Variants in LEP observed in about 807,000 individuals in gnomAD.
The protein encoded by LEP is leptin.
In LEP, 6 loss-of-function variants were observed where a neutral mutation model predicts 9.8. That is an observed-to-expected ratio of 0.61 (90% CI 0.34 to 1.21). The LOEUF (loss-of-function observed/expected upper bound fraction) is 1.21. Ranked by LOEUF, LEP falls within the 50% of genes most tolerant of loss-of-function variation. The pLI, the probability that LEP is intolerant of heterozygous loss-of-function variation, is 0.04. For missense variants in LEP, 134 were observed against 198.1 expected (o/e 0.68, Z 1.94); for synonymous variants, 112 against 81.7 (o/e 1.37, Z -2.00).
At chr7:128,245,467 G>A (rs1795200409) in intron 1 of LEP, among the ~76,000 whole-genome samples, 1 of 152,196 alleles carries the variant, frequency 6.6e-6, no homozygotes, top group Non-Finnish European at 1.5e-5. Context: ...AAACTTCGCT[G>A]CCTTTATTTC....
intron 2 of LEP, 83 bp downstream of exon 2, chr7:128,252,245 G>A (rs1795283867): frequency 6.7e-7 from 1 of 1,499,962 alleles, no homozygotes. Context: ...GATAGTCCAA[G>A]AAACATTTAT....
At chr7:128,251,763 G>GAT (rs1310324830) in intron 1 of LEP, among the ~76,000 whole-genome samples, 1 of 152,174 alleles carries the variant, frequency 6.6e-6, no homozygotes, top group Non-Finnish European at 1.5e-5. Context: ...TGGTCTACAG[G>GAT]ATACCTCATG....
chr7:128,251,927 A>G, intron 1 of LEP, 64 bp from the exon 2 acceptor site: 1 of 1,300,918 alleles, frequency 7.7e-7, no homozygotes. Context: ...GTGGTTGGTA[A>G]TGTGAAGATG....
In LEP at chr7:128,255,123, G is replaced by A. The variant is rs200748706; in HGVS notation, c.*360G>A. ...ATGTGACCAGGGGTGATTTCAGAGA[G>A]GGCAGAGGGGTAGGCAGAGCCTTTG... On this transcript the variant is annotated 3_prime_UTR_variant, in exon 3 of 3. Transcript: ENST00000308868. 269 of 307,138 alleles carry A rather than the reference G, an allele frequency of 8.8e-4. 1 individual carries two copies. The highest frequency in any genetic ancestry group is 1.4e-3 in the Non-Finnish European group (224 of 156,870). The allele number at this position is 307,138 out of a possible 1,614,324, so 19.0% of individuals were successfully genotyped here.
intron 1 of LEP, among the ~76,000 whole-genome samples, chr7:128,242,776 C>T (rs1047254299): frequency 1.2e-4 from 18 of 152,214 alleles, no homozygotes; most frequent in African/African-American, 3.6e-4. Flanking sequence ...AATTCCTGCC[C>T]GTCAGCCCCA....
At chr7:128,243,407 G>A (rs527982022) in intron 1 of LEP, among the ~76,000 whole-genome samples, 134 of 152,314 alleles carry the variant, frequency 8.8e-4, no homozygotes, top group South Asian at 2.1e-3. Flanking sequence ...CAGAGAAGAC[G>A]GGAGGGCAGG....
In LEP at chr7:128,254,544, C is replaced by T. The variant is rs200061184; in HGVS notation, c.285C>T (p.Ile95=). ...CCAGTATGCCTTCCAGAAACGTGAT[C>T]CAAATATCCAACGACCTGGAGAACC... ...ILTSMPSRNV[I]QISNDLENLR... is the part of the protein sequence containing the mutation. The change falls in exon 3 of 3, where the codon ATC becomes ATT. Residue 95 remains isoleucine, a synonymous_variant. Transcript: ENST00000308868. 1 of 1,614,182 alleles carries T rather than the reference C, an allele frequency of 6.2e-7. No individual in the cohort carries two copies. Among genetic ancestry groups the T allele is most frequent in the Admixed American group, 1.7e-5 (1 of 60,028 alleles).
chr7:128,253,679 G>T (rs1795301340), intron 2 of LEP, among the ~76,000 whole-genome samples: 1 of 152,144 alleles, frequency 6.6e-6, no homozygotes, highest in Admixed American at 6.5e-5. Context: ...AGCAAAGATG[G>T]CTCAGAACTA....
In LEP at chr7:128,254,635, G is replaced by C. The variant is rs1325640667; in HGVS notation, c.376G>C (p.Glu126Gln). ...SCHLPWASGL[E>Q]TLDSLGGVLE... ...CCACTTGCCCTGGGCCAGTGGCCTG[G>C]AGACCTTGGACAGCCTGGGGGGTGT... Residue 126 changes from glutamate to glutamine, a missense_variant, in exon 3 of 3, where the codon GAG becomes CAG. Physicochemically the swap from Glu to Gln is conservative, Grantham distance 29. Coordinates refer to ENST00000308868, the MANE Select transcript of LEP (RefSeq NM_000230.3). 7 of 1,614,152 alleles carry C rather than the reference G, an allele frequency of 4.3e-6. No homozygotes were observed. Among genetic ancestry groups the C allele is most frequent in the South Asian group, 2.2e-5 (2 of 91,084 alleles).
intron 1 of LEP, among the ~76,000 whole-genome samples, chr7:128,242,563 T>A (rs753238758): frequency 6.9e-4 from 105 of 152,212 alleles, no homozygotes; most frequent in Admixed American, 3.7e-3. Context: ...AGTGGATGCT[T>A]TTAGGTTCTT....
At chr7:128,248,402 A>G (rs997954187) in intron 1 of LEP, among the ~76,000 whole-genome samples, 1 of 152,056 alleles carries the variant, frequency 6.6e-6, no homozygotes, top group Admixed American at 6.6e-5. Flanking sequence ...ATTGCACTCC[A>G]GCCTGGGCAA....
rs140483549 is a variant in LEP at position 128,251,501 on chromosome 7, A to G, written c.-28-490A>G. 7.2e-5 allele frequency among the ~76,000 whole-genome samples: 11 copies of G among 152,328 alleles called. No individual in the cohort carries two copies. The East Asian group carries it at 2.1e-3, about 29-fold the overall frequency. ...TAATGATAGGGTAATGATAGAGCAC[A>G]TTTCACAACACCTTTAAGCCCTTTC... is the stretch of plus-strand genomic sequence containing the variant. On this transcript the variant is annotated intron_variant, in intron 1 of 2. Coordinates refer to ENST00000308868, the MANE Select transcript of LEP (RefSeq NM_000230.3).
chr7:128,245,622 C>T (rs1030835017), intron 1 of LEP, among the ~76,000 whole-genome samples: 1 of 152,096 alleles, frequency 6.6e-6, no homozygotes, highest in East Asian at 1.9e-4. Context: ...TAAAGCTTTT[C>T]CCTCATAATT....
At chr7:128,246,062 C>T (rs935516843) in intron 1 of LEP, among the ~76,000 whole-genome samples, 22 of 150,638 alleles carry the variant, frequency 1.5e-4, no homozygotes, top group African/African-American at 5.4e-4. Context: ...CAGAGCAAGA[C>T]TCCGTCAAAA....
At chr7:128,245,277 C>T (rs1795198347) in intron 1 of LEP, among the ~76,000 whole-genome samples, 1 of 152,168 alleles carries the variant, frequency 6.6e-6, no homozygotes, top group South Asian at 2.1e-4. Flanking sequence ...TCCTTCAGGC[C>T]TCAGTTCACA....
intron 2 of LEP, among the ~76,000 whole-genome samples, 160 bp downstream of exon 2, chr7:128,252,322 T>A (rs1214439373): frequency 6.6e-6 from 1 of 152,192 alleles, no homozygotes; most frequent in African/African-American, 2.4e-5. Flanking sequence ...AGGGCTCCAC[T>A]CTTTCTGGTT....
Position 128,255,005 on chromosome 7 carries a change from G to T in LEP, c.*242G>T, listed in dbSNP as rs140383020. 131 of 533,336 alleles carry T rather than the reference G, an allele frequency of 2.5e-4. 1 individual carries two copies. Among genetic ancestry groups the T allele is most frequent in the African/African-American group, 2.3e-3 (119 of 52,632 alleles). 33.0% of individuals were successfully genotyped at this position (533,336 alleles called of 1,614,324 possible). A position where few individuals can be genotyped will look rare whatever the true frequency, so the allele number is the denominator to read the frequency against. On this transcript the variant is annotated 3_prime_UTR_variant, in exon 3 of 3. Transcript: ENST00000308868. ...GAAGGGGGTCCACCCAGCAAAGAGT[G>T]GGCTGCATCTGGGATTCCCACCAAG...
chr7:128,251,475 C>CTAATGATAGGG (rs752920872), intron 1 of LEP, among the ~76,000 whole-genome samples: 3 of 152,166 alleles, frequency 2.0e-5, no homozygotes, highest in Non-Finnish European at 2.9e-5. Flanking sequence ...AGCATAATCG[C>CTAATGATAGGG]TAATGATAGG....
Position 128,254,958 on chromosome 7 carries a change from C to T in LEP, c.*195C>T. ...TTTTGCTTGAAACCAAAGATATATACACAGGATCCTATTCTCACCAGGAAG... is the reference window on the plus strand; with the variant it reads ...TTTTGCTTGAAACCAAAGATATATATACAGGATCCTATTCTCACCAGGAAG... On this transcript the variant is annotated 3_prime_UTR_variant, in exon 3 of 3. Coordinates refer to ENST00000308868, the MANE Select transcript of LEP (RefSeq NM_000230.3). The T allele has an allele frequency of 3.1e-6, 2 of 640,694 alleles. No individual in the cohort carries two copies. Among genetic ancestry groups the T allele is most frequent in the Non-Finnish European group, 5.5e-6 (2 of 361,422 alleles). The allele number at this position is 640,694 out of a possible 1,614,324, so 39.7% of individuals were successfully genotyped here. A position where few individuals can be genotyped will look rare whatever the true frequency, so the allele number is the denominator to read the frequency against.
Sources: gnomAD v4.1 joint callset for allele counts (sites outside exome capture counted in the v4.1 genomes callset) on GRCh38, gnomAD v4.1.1 for gene constraint, MANE v1.5 for transcripts, NCBI Gene and HGNC (gene_info 2026-07-23, HGNC 2026-07-21) for gene names.